The following WDPCP variants were observed in gnomAD, a reference collection of about 807,000 sequenced individuals.
WDPCP encodes the protein WD repeat-containing and planar cell polarity effector protein fritz homolog.
A neutral mutation model predicts 93.1 loss-of-function variants in WDPCP; 71 were observed. That is an observed-to-expected ratio of 0.76 (90% confidence interval 0.63 to 0.93). The LOEUF (loss-of-function observed/expected upper bound fraction) is 0.93. Ranked by LOEUF, WDPCP falls within the 40% of genes least tolerant of loss-of-function variation. The pLI, the probability that WDPCP is intolerant of heterozygous loss-of-function variation, is 0.00. For synonymous variants in WDPCP, 315 were observed against 315.0 expected, an observed-to-expected ratio of 1.00 and a Z score of 0.00; for missense variants, 844 against 887.4, an observed-to-expected ratio of 0.95 and a Z score of 0.62.
chr2:63,156,862 T>C (rs2103856227), intron 15 of WDPCP, among the ~76,000 whole-genome samples: 1 of 152,362 alleles, frequency 6.6e-6, no homozygotes, highest in Admixed American at 6.5e-5. Flanking sequence ...GTTTCATTTC[T>C]TCTTTAGTAC....
intron 2 of WDPCP, among the ~76,000 whole-genome samples, chr2:63,726,955 T>C (rs1195572973): frequency 6.6e-6 from 1 of 152,200 alleles, no homozygotes; most frequent in Non-Finnish European, 1.5e-5. Context: ...GCAGAAACTA[T>C]GGCATTTTCT....
intron 2 of WDPCP, among the ~76,000 whole-genome samples, chr2:63,674,514 A>C (rs1462794622): frequency 6.6e-6 from 1 of 152,208 alleles, no homozygotes; most frequent in Non-Finnish European, 1.5e-5. Flanking sequence ...CATAAGAAGC[A>C]GGGAGTAGAA....
intron 2 of WDPCP, among the ~76,000 whole-genome samples, chr2:63,793,870 T>TTGTGTGTGTGTG (rs35714297): frequency 7.6e-5 from 11 of 145,268 alleles, no homozygotes; most frequent in African/African-American, 2.8e-4. Flanking sequence ...AGTACTTACA[T>TTGTGTGTGTGTG]TGTGTGTGTG....
chr2:63,811,486 T>C (rs1670861661), intron 2 of WDPCP, among the ~76,000 whole-genome samples: 1 of 151,972 alleles, frequency 6.6e-6, no homozygotes, highest in Non-Finnish European at 1.5e-5. Flanking sequence ...AAGCTGGGGC[T>C]CTCAGCCTTA....
chr2:63,373,228 A>G (rs1691554036), intron 12 of WDPCP, among the ~76,000 whole-genome samples: 1 of 147,650 alleles, frequency 6.8e-6, no homozygotes, highest in African/African-American at 2.5e-5. Context: ...TGACATTTAA[A>G]TTTTCTTTGT....
At chr2:63,501,440 C>T (rs1174175891) in intron 1 of WDPCP, among the ~76,000 whole-genome samples, 1 of 152,136 alleles carries the variant, frequency 6.6e-6, no homozygotes, top group Non-Finnish European at 1.5e-5. Context: ...GTGGCACCTG[C>T]CTGTACTCCT....
At chr2:63,711,986 T>A (rs887623823) in intron 2 of WDPCP, among the ~76,000 whole-genome samples, 1 of 152,160 alleles carries the variant, frequency 6.6e-6, no homozygotes, top group African/African-American at 2.4e-5. Flanking sequence ...ATTTTTTTTT[T>A]ATTGAGGTTG....
At chr2:63,811,365 T>C (rs11895799) in intron 2 of WDPCP, among the ~76,000 whole-genome samples, 4,646 of 152,280 alleles carry the variant, frequency 0.031, 249 homozygotes, top group African/African-American at 0.11. Context: ...CTTTCCTCAC[T>C]GGTCTGATGA....
rs138224038 is a variant in WDPCP, at chr2:63,750,518, A to G, written n.308+63104T>C. ...TGCCTGTTTTTGTCTTATTGCAATA[A>G]CTAGGACCTTCATTAACACTGTTGA... On this transcript the variant is annotated intron_variant and non_coding_transcript_variant, in intron 2 of 4. Transcript: ENST00000467687. 4.1e-3 allele frequency among the ~76,000 whole-genome samples: 628 copies of G among 152,144 alleles called. 3 individuals are homozygous for G. Among genetic ancestry groups the G allele is most frequent in the African/African-American group, 0.014 (588 of 41,548 alleles).
rs371162822 is a variant in WDPCP, at chr2:63,556,965, T to C, written c.75+31232A>G. ...ATAAAATCCTTTTTGGATAAGCAAATGCTGAGGGAATTCATCACCACCAGG... is the reference window on the plus strand; with the variant it reads ...ATAAAATCCTTTTTGGATAAGCAAACGCTGAGGGAATTCATCACCACCAGG... On this transcript the variant is annotated intron_variant, in intron 1 of 17. Coordinates refer to ENST00000272321, the MANE Select transcript of WDPCP (RefSeq NM_015910.7). 2.6e-5 allele frequency among the ~76,000 whole-genome samples: 4 copies of C among 152,302 alleles called. No homozygotes were observed. The East Asian group carries it at 5.8e-4, about 22-fold the overall frequency.
At chr2:63,417,100 G>A (rs916013723) in intron 9 of WDPCP, among the ~76,000 whole-genome samples, 2 of 152,164 alleles carry the variant, frequency 1.3e-5, no homozygotes, top group African/African-American at 4.8e-5. Context: ...CAGGGGACAG[G>A]AGCACTGAGT....
At position 63,210,726 on chromosome 2, in the gene WDPCP, C is replaced by T. The variant is rs189685678; in HGVS notation, c.1916-35894G>A. On this transcript the variant is annotated intron_variant, in intron 14 of 17. Coordinates refer to ENST00000272321, the MANE Select transcript of WDPCP (RefSeq NM_015910.7). ...CCCAGCCAAGGGAAGCCATGACAGACGGCACCTGGAAAATCAGATCACTCC... is the reference window on the plus strand; with the variant it reads ...CCCAGCCAAGGGAAGCCATGACAGATGGCACCTGGAAAATCAGATCACTCC... 1.1e-3 allele frequency among the ~76,000 whole-genome samples: 171 copies of T among 152,296 alleles called. 1 individual carries two copies. In the South Asian group the frequency reaches 0.013, roughly 12 times the overall value.
intron 6 of WDPCP, 186 bp from the exon 7 acceptor site, chr2:63,440,057 T>G (rs1697403737): frequency 1.7e-6 from 1 of 580,766 alleles, no homozygotes; most frequent in Admixed American, 2.9e-5. Flanking sequence ...GAAAGGTGGC[T>G]AAAGGATGCA....
chr2:63,143,874 C>G (rs1671271682), intron 17 of WDPCP, among the ~76,000 whole-genome samples: 1 of 152,122 alleles, frequency 6.6e-6, no homozygotes, highest in South Asian at 2.1e-4. Flanking sequence ...TTTTAAGATT[C>G]TTTCTTTTGT....
chr2:63,715,704 T>C (rs1266539406), intron 2 of WDPCP, among the ~76,000 whole-genome samples: 2 of 152,208 alleles, frequency 1.3e-5, no homozygotes, highest in South Asian at 2.1e-4. Context: ...AGAAGAAAAA[T>C]AGCCTATTTC....
intron 14 of WDPCP, among the ~76,000 whole-genome samples, chr2:63,232,036 A>G (rs1489956340): frequency 6.6e-6 from 1 of 152,194 alleles, no homozygotes; most frequent in Non-Finnish European, 1.5e-5. Flanking sequence ...ACACATCTAC[A>G]ACCATCTGGT....
chr2:63,660,700 G>T (rs1225259174), intron 2 of WDPCP, among the ~76,000 whole-genome samples: 2 of 152,100 alleles, frequency 1.3e-5, no homozygotes, highest in East Asian at 1.9e-4. Flanking sequence ...AACTATTTTT[G>T]ATTTCTGTGT....
chr2:63,673,687 T>A (rs1241871413), intron 2 of WDPCP, among the ~76,000 whole-genome samples: 1 of 152,174 alleles, frequency 6.6e-6, no homozygotes, highest in Admixed American at 6.5e-5. Context: ...ATTTACAGCA[T>A]TTGCTGTGAG....
At chr2:63,782,741 TGTG>T (rs1200502195) in intron 2 of WDPCP, among the ~76,000 whole-genome samples, 1 of 9,420 alleles carries the variant, frequency 1.1e-4, no homozygotes, top group Admixed American at 1.9e-3. Context: ...ACAGGCAACA[TGTG>T]TGTGTGTGTG....
Sources: allele counts gnomAD v4.1 joint callset (sites outside exome capture counted in the v4.1 genomes callset), GRCh38; gene constraint gnomAD v4.1.1; transcripts MANE v1.5; gene names NCBI Gene and HGNC (gene_info 2026-07-23, HGNC 2026-07-21).